The following TARDBP variants were observed in gnomAD, a reference collection of about 807,000 sequenced individuals.
TARDBP encodes the protein TAR DNA binding protein.
A neutral mutation model predicts 38.3 loss-of-function variants in TARDBP; 4 were observed. That is an observed-to-expected ratio of 0.10 (90% CI 0.05 to 0.24). The LOEUF is 0.24. Among genes scored for constraint, TARDBP ranks in the 10% least tolerant of loss-of-function variants. The pLI is 1.00. For synonymous variants in TARDBP, 184 were observed against 183.8 expected (o/e 1.00, Z -0.01); for missense variants, 202 against 521.9 (o/e 0.39, Z 5.97).
chr1:11,013,808 G>C lies in TARDBP; in HGVS notation c.81G>C (p.Leu27=). 2 of 1,613,968 alleles carry C rather than the reference G, an allele frequency of 1.2e-6. No individual in the cohort carries two copies. The highest frequency in any genetic ancestry group is 1.7e-6 in the Non-Finnish European group (2 of 1,179,852). ...CATCGGAAGACGATGGGACGGTGCT[G>C]CTCTCCACGGTTACAGCCCAGTTTC... is the stretch of plus-strand genomic sequence containing the variant. ...EIPSEDDGTV[L]LSTVTAQFPG... Residue 27 remains leucine (L), a synonymous_variant, in exon 2 of 6, where the codon CTG becomes CTC. Coordinates refer to ENST00000240185, the MANE Select transcript of TARDBP (RefSeq NM_007375.4).
At chr1:11,029,106 C>A (rs376942345), downstream of TARDBP, among the ~76,000 whole-genome samples, 94 of 151,266 alleles carry the variant, frequency 6.2e-4, no homozygotes, top group African/African-American at 2.1e-3. Flanking sequence ...CATTCTCTTG[C>A]CTCAGCCTCC....
At chr1:11,019,910 G>A (rs1643603689) in intron 4 of TARDBP, among the ~76,000 whole-genome samples, 1 of 145,200 alleles carries the variant, frequency 6.9e-6, no homozygotes, top group Non-Finnish European at 1.5e-5. Flanking sequence ...TATTGCTCAG[G>A]CTGGAGTGCA....
chr1:11,030,218 T>TGTGAG (rs765978330), downstream of TARDBP: 46 of 1,613,856 alleles, frequency 2.9e-5, no homozygotes, highest in Middle Eastern at 3.3e-4. Context: ...TTGGAGCTCG[T>TGTGAG]CCAGAATCCA....
chr1:11,027,636 G>C (rs372402760), downstream of TARDBP: 1 of 1,604,452 alleles, frequency 6.2e-7, no homozygotes, highest in African/African-American at 1.3e-5. Context: ...TGTGCGGGCT[G>C]ATAGTCCACA....
intron 1 of TARDBP, among the ~76,000 whole-genome samples, chr1:11,013,501 T>C (rs1643455886): frequency 6.6e-6 from 1 of 152,234 alleles, no homozygotes; most frequent in Non-Finnish European, 1.5e-5. Flanking sequence ...AGGGAAAGTT[T>C]TTTGAATGAA....
intron 3 of TARDBP, among the ~76,000 whole-genome samples, chr1:11,017,890 CT>C (rs57343468): frequency 6.7e-6 from 1 of 148,320 alleles, no homozygotes. Context: ...TCTCTTTTTT[CT>C]TTTTTTTTTG....
intron 3 of TARDBP, 148 bp downstream of exon 3, chr1:11,017,155 C>T: frequency 2.4e-6 from 2 of 849,450 alleles, no homozygotes; most frequent in South Asian, 2.8e-5. Flanking sequence ...CCTGCCTCGA[C>T]CCCAATGTGC....
downstream of TARDBP, chr1:11,029,651 T>TG (rs1643808364): frequency 6.9e-6 from 1 of 143,928 alleles, no homozygotes; most frequent in Admixed American, 7.1e-5. Flanking sequence ...TTTTTTTTTT[T>TG]TTTTTTGGAT....
chr1:11,023,162 A>G lies in TARDBP; in HGVS notation c.*508A>G, dbSNP rs1420620196. 1.9e-6 allele frequency: 3 copies of G among 1,549,410 alleles called. No homozygotes were observed. Among genetic ancestry groups the G allele is most frequent in the South Asian group, 2.4e-5 (2 of 83,920 alleles). On this transcript the variant is annotated 3_prime_UTR_variant, in exon 6 of 6. Transcript: ENST00000240185. ...CTTGTCTCCCCTCATACACAAAAGT[A>G]CAATATGAAGCCTTCATTTAATCTC...
At chr1:11,026,016 C>G (rs1209097615), downstream of TARDBP, 1 of 143,932 alleles carries the variant, frequency 6.9e-6, no homozygotes, top group African/African-American at 2.4e-5. Context: ...ACAGATTTCT[C>G]TATAATGTCA....
downstream of TARDBP, chr1:11,029,885 A>G (rs1245189327): frequency 4.9e-6 from 1 of 205,610 alleles, no homozygotes; most frequent in Non-Finnish European, 9.7e-6. Context: ...CGGCCTCCCA[A>G]AGTGCTGGGA....
At chr1:11,028,871 A>G (rs1374637008), downstream of TARDBP, among the ~76,000 whole-genome samples, 1 of 150,918 alleles carries the variant, frequency 6.6e-6, no homozygotes, top group Admixed American at 6.6e-5. Context: ...ACGCCACCAC[A>G]CCTGGCTAAT....
chr1:11,023,374 G>C lies in TARDBP; in HGVS notation c.*720G>C. On this transcript the variant is annotated 3_prime_UTR_variant, in exon 6 of 6. Transcript: ENST00000240185. ...CCGCTACTCTTTATTTCATGGAGTC[G>C]TATCAACGCTATGAACGCAAGGCTG... 9.5e-7 allele frequency: 1 copy of C among 1,051,566 alleles called. No homozygotes were observed. The highest frequency in any genetic ancestry group is 1.4e-6 in the Non-Finnish European group (1 of 709,512). The allele number at this position is 1,051,566 out of a possible 1,614,324, so 65.1% of individuals were successfully genotyped here.
At chr1:11,016,759 C>T in intron 2 of TARDBP, 85 bp from the exon 3 acceptor site, 5 of 1,392,014 alleles carry the variant, frequency 3.6e-6, no homozygotes, top group African/African-American at 2.9e-5. Flanking sequence ...CTTCTTTTTG[C>T]TTCTCATTTC....
chr1:11,023,365 C>T lies in TARDBP; in HGVS notation c.*711C>T. 1 of 1,131,742 alleles carries T rather than the reference C, an allele frequency of 8.8e-7. No individual in the cohort carries two copies. The highest frequency in any genetic ancestry group is 1.3e-6 in the Non-Finnish European group (1 of 775,968). 70.1% of individuals were successfully genotyped at this position (1,131,742 alleles called of 1,614,324 possible). On this transcript the variant is annotated 3_prime_UTR_variant, in exon 6 of 6. Transcript: ENST00000240185. The stretch of plus-strand genomic sequence containing the variant: ...CATTTTTATCCGCTACTCTTTATTT[C>T]ATGGAGTCGTATCAACGCTATGAAC...
intron 2 of TARDBP, among the ~76,000 whole-genome samples, chr1:11,014,740 A>G (rs756260026): frequency 5.9e-5 from 9 of 152,138 alleles, no homozygotes; most frequent in Non-Finnish European, 1.2e-4. Flanking sequence ...GGAGTTTGAG[A>G]TGAGCCTGGC....
intron 1 of TARDBP, among the ~76,000 whole-genome samples, chr1:11,013,128 C>T (rs935786190): frequency 6.6e-6 from 1 of 152,232 alleles, no homozygotes; most frequent in Non-Finnish European, 1.5e-5. Context: ...TGGGAGGCGA[C>T]GGCCGGCACC....
chr1:11,019,691 C>T (rs981421389), intron 4 of TARDBP, among the ~76,000 whole-genome samples: 2 of 151,826 alleles, frequency 1.3e-5, no homozygotes, highest in African/African-American at 4.8e-5. Flanking sequence ...CTCAGCCTGC[C>T]GAGTAGCTGG....
At chr1:11,021,489 G>A (rs556854244) in intron 5 of TARDBP, among the ~76,000 whole-genome samples, 146 of 152,196 alleles carry the variant, frequency 9.6e-4, no homozygotes, top group African/African-American at 3.5e-3. Context: ...TTTTGATCTG[G>A]CTGGTCTTGA....
Sources: allele counts gnomAD v4.1 joint callset (sites outside exome capture counted in the v4.1 genomes callset), GRCh38; gene constraint gnomAD v4.1.1; transcripts MANE v1.5; gene names NCBI Gene and HGNC (gene_info 2026-07-23, HGNC 2026-07-21).